The following RHOT1 variants were observed in gnomAD, a reference collection of about 807,000 sequenced individuals.
The protein encoded by RHOT1 is ras homolog family member T1, also known as mitochondrial Rho GTPase 1.
RHOT1 carries 27 observed loss-of-function variants against 95.3 expected under a neutral mutation model. The observed-to-expected ratio is 0.28, with a 90% CI of 0.21 to 0.39. The LOEUF is 0.39. RHOT1 is among the 10% of genes least tolerant of loss of function. The pLI, the probability that RHOT1 is intolerant of heterozygous loss-of-function variation, is 1.00. For synonymous variants in RHOT1, 227 were observed against 263.5 expected (o/e 0.86, Z 1.34); for missense variants, 578 against 786.7 (o/e 0.73, Z 3.17).
rs146202509 is a variant in RHOT1, at chr17:32,161,602, C to T, written c.38-9441C>T. Among the ~76,000 whole-genome samples the T allele has an allele frequency of 1.5e-3, 231 of 152,296 alleles. 1 individual carries two copies. Among genetic ancestry groups the T allele is most frequent in the African/African-American group, 5.3e-3 (219 of 41,558 alleles). ...TTATCATTCTTGCTTTAAGATTAAA[C>T]AGTAAACTTAAATTCCTCTCAAGGT... On this transcript the variant is annotated intron_variant, in intron 1 of 19. Transcript: ENST00000545287.
At chr17:32,165,726 A>G (rs2034016686) in intron 1 of RHOT1, among the ~76,000 whole-genome samples, 1 of 152,196 alleles carries the variant, frequency 6.6e-6, no homozygotes, top group East Asian at 1.9e-4. Flanking sequence ...TTGAACCTCC[A>G]AATAATGACA....
intron 1 of RHOT1, among the ~76,000 whole-genome samples, chr17:32,167,649 C>G (rs1454404362): frequency 6.6e-6 from 1 of 152,166 alleles, no homozygotes; most frequent in African/African-American, 2.4e-5. Context: ...TGCATTAGCC[C>G]CTAACAAGAG....
intron 19 of RHOT1, among the ~76,000 whole-genome samples, chr17:32,220,355 C>A (rs761429624): frequency 2.0e-5 from 3 of 152,074 alleles, no homozygotes; most frequent in Admixed American, 1.3e-4. Flanking sequence ...CAGAGCAAGA[C>A]GCTGTCTCTG....
At chr17:32,203,851 A>G (rs1013226761) in intron 15 of RHOT1, 39 bp from the exon 16 acceptor site, 9 of 1,418,348 alleles carry the variant, frequency 6.3e-6, no homozygotes, top group African/African-American at 2.8e-5. Context: ...GTTGAAAACT[A>G]GTTACTGCAG....
chr17:32,144,393 C>T (rs28593588), intron 1 of RHOT1, among the ~76,000 whole-genome samples: 3 of 151,972 alleles, frequency 2.0e-5, no homozygotes, highest in African/African-American at 7.3e-5. Context: ...ACTAAAAATA[C>T]GAAAATTAGC....
intron 1 of RHOT1, among the ~76,000 whole-genome samples, chr17:32,161,809 A>G (rs2033585288): frequency 6.6e-6 from 1 of 152,230 alleles, no homozygotes; most frequent in Non-Finnish European, 1.5e-5. Flanking sequence ...GGCCTGACCA[A>G]CCACAAATTC....
Position 32,211,136 on chromosome 17 carries a change from T to C in RHOT1, c.1760T>C (p.Met587Thr), listed in dbSNP as rs2038105232. The C allele has an allele frequency of 6.2e-7, 1 of 1,610,786 alleles. No individual in the cohort carries two copies. Residue 587 changes from methionine (M) to threonine (T), a missense_variant, in exon 19 of 20, where the codon ATG becomes ACG. Met to Thr is a moderately conservative substitution (Grantham distance 81). This residue lies in a region of RHOT1 where 296 missense variants were observed against 338.5 expected (regional missense o/e 0.87). Coordinates refer to ENST00000545287, the MANE Select transcript of RHOT1 (RefSeq NM_001033566.3). ...AMYPHARLRCMCTCNRCTFCI... is the reference protein window; with the variant it reads ...AMYPHARLRCTCTCNRCTFCI... ...CGCAGCCATGCCCGGTTACGCTGTATGTGCACCTGCAACAGGTGTACATTT... is the reference window on the plus strand; with the variant it reads ...CGCAGCCATGCCCGGTTACGCTGTACGTGCACCTGCAACAGGTGTACATTT...
At chr17:32,149,619 A>ATGTGTGTGTG (rs1422165602) in intron 1 of RHOT1, among the ~76,000 whole-genome samples, 8 of 88,910 alleles carry the variant, frequency 9.0e-5, no homozygotes, top group African/African-American at 3.4e-4. Context: ...ATATATATAT[A>ATGTGTGTGTG]TATATATATA....
intron 19 of RHOT1, chr17:32,222,798 A>G: frequency 1.0e-6 from 1 of 962,938 alleles, no homozygotes; most frequent in Non-Finnish European, 1.2e-6. Flanking sequence ...CCATGCTGTT[A>G]GCAGACGATG....
At chr17:32,184,864 T>G (rs548835867) in intron 8 of RHOT1, among the ~76,000 whole-genome samples, 1 of 152,290 alleles carries the variant, frequency 6.6e-6, no homozygotes, top group South Asian at 2.1e-4. Flanking sequence ...GTTTCTACTT[T>G]TAGGCTATTA....
At chr17:32,171,986 G>A (rs2034614053) in intron 2 of RHOT1, among the ~76,000 whole-genome samples, 1 of 152,166 alleles carries the variant, frequency 6.6e-6, no homozygotes, top group African/African-American at 2.4e-5. Context: ...GCTAAACTTT[G>A]CATAAAGTTA....
chr17:32,143,036 G>A (rs1282409208), intron 1 of RHOT1: 2 of 694,520 alleles, frequency 2.9e-6, no homozygotes, highest in Admixed American at 2.0e-5. Flanking sequence ...TCATCCCTCC[G>A]AAGCTTCTCT....
chr17:32,147,008 A>T (rs1422407080), intron 1 of RHOT1, among the ~76,000 whole-genome samples: 1 of 136,780 alleles, frequency 7.3e-6, no homozygotes, highest in East Asian at 2.1e-4. Context: ...CCTCCCAAAT[A>T]CTGGGATTAT....
intron 19 of RHOT1, among the ~76,000 whole-genome samples, chr17:32,223,836 A>G (rs1354150328): frequency 6.6e-6 from 1 of 152,184 alleles, no homozygotes; most frequent in Non-Finnish European, 1.5e-5. Flanking sequence ...GTAAGCTGTC[A>G]TACTTGAGAC....
intron 1 of RHOT1, among the ~76,000 whole-genome samples, chr17:32,160,748 C>T (rs777227142): frequency 6.6e-5 from 10 of 152,232 alleles, no homozygotes; most frequent in Non-Finnish European, 1.2e-4. Flanking sequence ...CAGCAGCCGG[C>T]GTGCCTGGCT....
Position 32,202,097 on chromosome 17 carries a change from A to C in RHOT1, c.1202-673A>C, listed in dbSNP as rs532970454. On this transcript the variant is annotated intron_variant, in intron 14 of 19. Transcript: ENST00000545287. ...CAGCTAATTTTTGTATTTTTAGTAG[A>C]GATGGGGTTTCACTGTGTTGGCCAG... Among the ~76,000 whole-genome samples the C allele has an allele frequency of 4.7e-3, 719 of 152,204 alleles. 10 individuals are homozygous for C. The highest frequency in any genetic ancestry group is 0.01 in the Middle Eastern group (3 of 294).
At chr17:32,212,633 G>T (rs2038207111) in intron 19 of RHOT1, among the ~76,000 whole-genome samples, 1 of 152,014 alleles carries the variant, frequency 6.6e-6, no homozygotes, top group Non-Finnish European at 1.5e-5. Flanking sequence ...TCTGCTGATG[G>T]CTTGCCTCAT....
intron 1 of RHOT1, among the ~76,000 whole-genome samples, chr17:32,161,509 C>T (rs2033553386): frequency 6.6e-6 from 1 of 152,208 alleles, no homozygotes; most frequent in African/African-American, 2.4e-5. Flanking sequence ...ATTCAGGTCC[C>T]TCACATAATC....
At chr17:32,184,748 T>G (rs940285647) in intron 8 of RHOT1, among the ~76,000 whole-genome samples, 2 of 152,018 alleles carry the variant, frequency 1.3e-5, no homozygotes, top group African/African-American at 4.8e-5. Flanking sequence ...TCTTCCCGCC[T>G]CCACCTCTGC....
Sources: gnomAD v4.1 joint callset for allele counts (sites outside exome capture counted in the v4.1 genomes callset) on GRCh38, gnomAD v4.1.1 for gene constraint, gnomAD v4.1.1 regional missense constraint, MANE v1.5 for transcripts, NCBI Gene and HGNC (gene_info 2026-07-23, HGNC 2026-07-21) for gene names.